The following PTPRM variants were observed in gnomAD, a reference collection of about 807,000 sequenced individuals.
PTPRM encodes the protein protein tyrosine phosphatase receptor type M, also known as receptor-type tyrosine-protein phosphatase mu.
PTPRM carries 47 observed loss-of-function variants against 186.7 expected under a neutral mutation model. The observed-to-expected ratio is 0.25, with a 90% confidence interval of 0.20 to 0.32. The LOEUF is 0.32. PTPRM is among the 10% of genes least tolerant of loss of function. The probability of loss-of-function intolerance (pLI) is 1.00; values close to 1 mark genes in which losing one functional copy is unlikely to be tolerated. For synonymous variants in PTPRM, 668 were observed against 674.9 expected, an observed-to-expected ratio of 0.99 and a Z score of 0.16; for missense variants, 1,494 against 1,865.0, an observed-to-expected ratio of 0.80 and a Z score of 3.66.
rs572605706 is a variant in PTPRM, at chr18:8,085,269, A to ATCCAATAG, written c.1552-402_1552-401insTCCAATAG. ...TCGTTCCCAATAGGTAATGATCCTA[A>ATCCAATAG]GTCAAATTATGGCCACTAGATTAAA... On this transcript the variant is annotated intron_variant, in intron 9 of 32. Coordinates refer to ENST00000580170, the MANE Select transcript of PTPRM (RefSeq NM_001105244.2). Among the ~76,000 whole-genome samples, 13 of 152,188 alleles carry ATCCAATAG rather than the reference A, an allele frequency of 8.5e-5. No individual in the cohort carries two copies. In the East Asian group the frequency reaches 1.9e-3, roughly 23 times the overall value.
intron 3 of PTPRM, among the ~76,000 whole-genome samples, chr18:7,904,453 C>T (rs2049870445): frequency 6.6e-6 from 1 of 152,218 alleles, no homozygotes; most frequent in African/African-American, 2.4e-5. Flanking sequence ...CTGGCAACCA[C>T]TAATTTGTCC....
At position 8,286,162 on chromosome 18, in the gene PTPRM, C is replaced by T. The variant is rs969763163; in HGVS notation, c.2755-10206C>T. 5.9e-5 allele frequency among the ~76,000 whole-genome samples: 9 copies of T among 152,216 alleles called. No homozygotes were observed. The South Asian group carries it at 8.3e-4, about 14-fold the overall frequency. On this transcript the variant is annotated intron_variant, in intron 19 of 32. Transcript: ENST00000580170. ...ACCTCGTGAGTTGCTGCTGAGTCCT[C>T]CTGACTGCCTTTGTCACTTGCCTCT...
intron 31 of PTPRM, among the ~76,000 whole-genome samples, chr18:8,393,861 T>C (rs1419083380): frequency 6.6e-6 from 1 of 152,178 alleles, no homozygotes; most frequent in Non-Finnish European, 1.5e-5. Flanking sequence ...CAATCTCGGC[T>C]CACTGCAAGC....
chr18:8,096,583 T>C (rs2091028372), intron 11 of PTPRM, among the ~76,000 whole-genome samples: 2 of 152,220 alleles, frequency 1.3e-5, no homozygotes, highest in Admixed American at 1.3e-4. Context: ...AAATTAGAAA[T>C]AGTTTCAATT....
chr18:7,901,337 T>TTA (rs2049669796), intron 3 of PTPRM, among the ~76,000 whole-genome samples: 2 of 152,190 alleles, frequency 1.3e-5, no homozygotes, highest in Non-Finnish European at 2.9e-5. Context: ...AGAAACTTGT[T>TTA]TAAGATGACC....
At chr18:8,181,453 C>T (rs1156463771) in intron 14 of PTPRM, among the ~76,000 whole-genome samples, 1 of 152,292 alleles carries the variant, frequency 6.6e-6, no homozygotes. Context: ...ACATCAGAGC[C>T]TCACTGGAAG....
At chr18:8,396,735 G>A (rs2095847144) in intron 32 of PTPRM, among the ~76,000 whole-genome samples, 1 of 152,172 alleles carries the variant, frequency 6.6e-6, no homozygotes, top group Non-Finnish European at 1.5e-5. Context: ...TCTGAGAAAT[G>A]TAGGAAAGTT....
chr18:7,908,174 A>G (rs1378489278), intron 4 of PTPRM, among the ~76,000 whole-genome samples: 2 of 152,154 alleles, frequency 1.3e-5, no homozygotes, highest in Non-Finnish European at 2.9e-5. Context: ...TGTCTGAACC[A>G]GTTTATATTC....
intron 1 of PTPRM, among the ~76,000 whole-genome samples, chr18:7,693,984 C>A (rs547768803): frequency 1.3e-5 from 2 of 152,228 alleles, no homozygotes; most frequent in Non-Finnish European, 2.9e-5. Context: ...TCTGAGCAAG[C>A]CTTGATACCT....
chr18:8,045,650 G>C (rs1378635308), intron 7 of PTPRM, among the ~76,000 whole-genome samples: 1 of 152,148 alleles, frequency 6.6e-6, no homozygotes, highest in East Asian at 1.9e-4. Context: ...ATTAGTTATT[G>C]CAAGGGCACA....
At chr18:8,003,748 C>T (rs1437055255) in intron 7 of PTPRM, among the ~76,000 whole-genome samples, 1 of 152,214 alleles carries the variant, frequency 6.6e-6, no homozygotes, top group Non-Finnish European at 1.5e-5. Flanking sequence ...ATAATTGCAT[C>T]ATTAGTTCAA....
At chr18:7,868,125 T>G (rs1054970584) in intron 2 of PTPRM, among the ~76,000 whole-genome samples, 1 of 152,198 alleles carries the variant, frequency 6.6e-6, no homozygotes, top group Non-Finnish European at 1.5e-5. Flanking sequence ...CTTAGCTTCC[T>G]TGACTTGCAT....
chr18:7,617,207 T>C (rs960837512), intron 1 of PTPRM, among the ~76,000 whole-genome samples: 1 of 152,180 alleles, frequency 6.6e-6, no homozygotes, highest in African/African-American at 2.4e-5. Flanking sequence ...GAGCACAGGA[T>C]CTTTTTCTAA....
At chr18:7,741,993 A>G (rs1350832914) in intron 1 of PTPRM, 1 of 152,202 alleles carries the variant, frequency 6.6e-6, no homozygotes, top group South Asian at 2.1e-4. Flanking sequence ...TGTAAAAAAT[A>G]TGACATCTAT....
intron 2 of PTPRM, among the ~76,000 whole-genome samples, chr18:7,839,754 C>A (rs2046230805): frequency 6.6e-6 from 1 of 152,134 alleles, no homozygotes; most frequent in African/African-American, 2.4e-5. Context: ...CAGTTCAGCA[C>A]TAGGCCTCAC....
intron 1 of PTPRM, among the ~76,000 whole-genome samples, chr18:7,676,701 G>T (rs116416962): frequency 6.6e-6 from 1 of 151,660 alleles, no homozygotes; most frequent in African/African-American, 2.4e-5. Flanking sequence ...GCGTGCACGC[G>T]CACGCGCATG....
At chr18:7,620,182 C>T (rs182419676) in intron 1 of PTPRM, among the ~76,000 whole-genome samples, 12 of 152,310 alleles carry the variant, frequency 7.9e-5, no homozygotes, top group Admixed American at 7.8e-4. Flanking sequence ...GGAGTTAGGG[C>T]AGAGAAACCG....
chr18:8,007,270 G>A (rs1237689940), intron 7 of PTPRM, among the ~76,000 whole-genome samples: 2 of 152,012 alleles, frequency 1.3e-5, no homozygotes, highest in Non-Finnish European at 2.9e-5. Context: ...CAAAACACTT[G>A]GTACCTGCGT....
chr18:7,984,056 GT>G (rs1281811588), intron 7 of PTPRM, among the ~76,000 whole-genome samples: 1 of 152,116 alleles, frequency 6.6e-6, no homozygotes, highest in African/African-American at 2.4e-5. Flanking sequence ...AAAACAATGT[GT>G]TTTAGTATTC....
Sources: allele counts gnomAD v4.1 joint callset (sites outside exome capture counted in the v4.1 genomes callset), GRCh38; gene constraint gnomAD v4.1.1; transcripts MANE v1.5; gene names NCBI Gene and HGNC (gene_info 2026-07-23, HGNC 2026-07-21).